Variants in C2CD2 observed in about 807,000 individuals in gnomAD.
C2CD2 encodes the protein C2 calcium dependent domain containing 2.
C2CD2 carries 43 observed loss-of-function variants against 74.3 expected under a neutral mutation model. The observed-to-expected ratio is 0.58, with a 90% confidence interval of 0.45 to 0.75. The LOEUF (loss-of-function observed/expected upper bound fraction) is 0.75, where lower values mean the gene tolerates loss of function less well. Among genes scored for constraint, C2CD2 ranks in the 30% least tolerant of loss-of-function variants. The pLI, the probability that C2CD2 is intolerant of heterozygous loss-of-function variation, is 0.00. For synonymous variants in C2CD2, 422 were observed against 390.7 expected (o/e 1.08, Z -0.94); for missense variants, 801 against 916.3 (o/e 0.87, Z 1.63).
chr21:41,936,177 A>G (rs2065306027), intron 2 of C2CD2, among the ~76,000 whole-genome samples: 1 of 152,218 alleles, frequency 6.6e-6, no homozygotes, highest in African/African-American at 2.4e-5. Context: ...ACGGAATGGA[A>G]TCCCATATTT....
chr21:41,907,518 G>A (rs1045006554), intron 9 of C2CD2, 142 bp downstream of exon 9: 144 of 881,218 alleles, frequency 1.6e-4, no homozygotes, highest in Admixed American at 2.3e-4. Flanking sequence ...CTGGTCCTGC[G>A]TACGATGAAA....
At chr21:41,913,246 G>A (rs1368990218) in intron 6 of C2CD2, among the ~76,000 whole-genome samples, 1 of 152,246 alleles carries the variant, frequency 6.6e-6, no homozygotes, top group Non-Finnish European at 1.5e-5. Flanking sequence ...CCAGGTAGTA[G>A]GACATGTCAC....
chr21:41,896,282 AAG>A (rs994541434), intron 13 of C2CD2, among the ~76,000 whole-genome samples: 1 of 152,250 alleles, frequency 6.6e-6, no homozygotes, highest in African/African-American at 2.4e-5. Flanking sequence ...GAAGAGAAGT[AAG>A]AGGCAGAAAG....
intron 13 of C2CD2, among the ~76,000 whole-genome samples, chr21:41,890,426 T>G (rs944833395): frequency 6.6e-6 from 1 of 152,188 alleles, no homozygotes; most frequent in African/African-American, 2.4e-5. Flanking sequence ...TCCTTAAAGA[T>G]CAAGTACAAG....
At chr21:41,940,723 T>C (rs1472086304) in intron 2 of C2CD2, among the ~76,000 whole-genome samples, 1 of 152,214 alleles carries the variant, frequency 6.6e-6, no homozygotes, top group Admixed American at 6.5e-5. Context: ...TATACACATA[T>C]GGGAAATGTA....
At chr21:41,915,645 G>A (rs1158377186) in intron 5 of C2CD2, among the ~76,000 whole-genome samples, 4 of 152,088 alleles carry the variant, frequency 2.6e-5, no homozygotes, top group African/African-American at 4.8e-5. Flanking sequence ...TCACCATGTT[G>A]GCCAGGCTGG....
rs1286213296 is a variant in C2CD2 at position 41,945,002 on chromosome 21, G to C, written c.280-2757C>G. Among the ~76,000 whole-genome samples the C allele has an allele frequency of 6.6e-6, 1 of 152,178 alleles. No individual in the cohort carries two copies. The highest frequency in any genetic ancestry group is 1.9e-4 in the East Asian group (1 of 5,196). ...ACACGGATATAACCTAAGAAGCTTG[G>C]AAAACTGCATCTTGACTGCATATAA... On this transcript the variant is annotated intron_variant, in intron 1 of 13. Coordinates refer to ENST00000380486, the MANE Select transcript of C2CD2 (RefSeq NM_015500.2). The surrounding 1 kb of genome is among the most constrained non-coding windows in gnomAD (Gnocchi z 4.2).
chr21:41,914,286 T>G (rs2065061890), intron 6 of C2CD2, among the ~76,000 whole-genome samples: 1 of 126,352 alleles, frequency 7.9e-6, no homozygotes, highest in Non-Finnish European at 1.7e-5. Context: ...ACATACAGGT[T>G]CAACAGTTAA....
chr21:41,899,670 A>T lies in C2CD2; in HGVS notation c.1561-308T>A, dbSNP rs370396041. 6.6e-6 allele frequency among the ~76,000 whole-genome samples: 1 copy of T among 152,106 alleles called. No individual in the cohort carries two copies. The highest frequency in any genetic ancestry group is 1.9e-4 in the East Asian group (1 of 5,176). Reference sequence around the variant, plus strand: ...TGGGAGCGTTTGTGGCAAGCTGCAGAAATGAGATGCGAGAGAGAGAGCCCG... The same window carrying T: ...TGGGAGCGTTTGTGGCAAGCTGCAGTAATGAGATGCGAGAGAGAGAGCCCG... On this transcript the variant is annotated intron_variant, in intron 12 of 13. Coordinates refer to ENST00000380486, the MANE Select transcript of C2CD2 (RefSeq NM_015500.2). The surrounding 1 kb of genome is among the most constrained non-coding windows in gnomAD (Gnocchi z 4.4).
At chr21:41,940,165 T>G (rs1306854752) in intron 2 of C2CD2, among the ~76,000 whole-genome samples, 1 of 152,124 alleles carries the variant, frequency 6.6e-6, no homozygotes, top group African/African-American at 2.4e-5. Context: ...GAATTTCAGG[T>G]AAGGGATACT....
intron 11 of C2CD2, among the ~76,000 whole-genome samples, chr21:41,902,098 A>C (rs1190135060): frequency 2.0e-5 from 3 of 152,218 alleles, no homozygotes; most frequent in African/African-American, 7.2e-5. Flanking sequence ...GTTACAAGAT[A>C]CTCACTGAAG....
Position 41,918,092 on chromosome 21 carries a change from C to T in C2CD2, c.720+13G>A, listed in dbSNP as rs1289247881. On this transcript the variant is annotated intron_variant, in intron 5 of 13. Transcript: ENST00000380486. ...GGGGTTCAGATGCACCCACAGCACC[C>T]AGATGAGTTTACCTGAGCTTCCTTT... is the stretch of plus-strand genomic sequence containing the variant. The T allele has an allele frequency of 6.2e-7, 1 of 1,613,896 alleles. No homozygotes were observed. Among genetic ancestry groups the T allele is most frequent in the African/African-American group, 1.3e-5 (1 of 74,890 alleles).
Position 41,889,120 on chromosome 21 carries a change from G to T in C2CD2, c.*4C>A. On this transcript the variant is annotated 3_prime_UTR_variant, in exon 14 of 14. Coordinates refer to ENST00000380486, the MANE Select transcript of C2CD2 (RefSeq NM_015500.2). ...TTCTGGCTTGGAGGTGATGACCTCA[G>T]GCCCTACGTGCAGGGCTCCACGGGG... 5.6e-6 allele frequency: 9 copies of T among 1,606,226 alleles called. No homozygotes were observed. Among genetic ancestry groups the T allele is most frequent in the Non-Finnish European group, 6.8e-6 (8 of 1,174,512 alleles).
Position 41,914,650 on chromosome 21 carries a change from C to G in C2CD2, c.792G>C (p.Lys264Asn), listed in dbSNP as rs2065067793. Reference sequence around the variant, plus strand: ...AGACGTGGATGTTCCTCACCAGTAGCTTCAGCTCGTGAGCCCTTGGAGGTT... The same window carrying G: ...AGACGTGGATGTTCCTCACCAGTAGGTTCAGCTCGTGAGCCCTTGGAGGTT... Reference protein sequence around the residue: ...PPKPPRAHELKLLVRNIHVLL... With the variant: ...PPKPPRAHELNLLVRNIHVLL... Residue 264 changes from lysine to asparagine, a missense_variant, in exon 6 of 14, where the codon AAG (lysine) becomes AAC (asparagine). By Grantham distance (94) the Lys-to-Asn change is moderately conservative (BLOSUM62 0). Transcript: ENST00000380486. 6.2e-7 allele frequency: 1 copy of G among 1,613,866 alleles called. No individual in the cohort carries two copies. The highest frequency in any genetic ancestry group is 8.5e-7 in the Non-Finnish European group (1 of 1,179,750).
chr21:41,910,090 C>T (rs371470), intron 7 of C2CD2, among the ~76,000 whole-genome samples: 152,044 of 152,086 alleles, frequency 1, 76,001 homozygotes, highest in Non-Finnish European at 1. Context: ...CACCTCGGCC[C>T]CCCAACGTGC....
At chr21:41,936,815 C>CTTTT (rs34112713) in intron 2 of C2CD2, among the ~76,000 whole-genome samples, 11 of 102,982 alleles carry the variant, frequency 1.1e-4, no homozygotes, top group African/African-American at 2.3e-4. Flanking sequence ...TTTTCTTTTC[C>CTTTT]TTTTTTTTTT....
At chr21:41,925,863 G>A (rs567130049) in intron 2 of C2CD2, among the ~76,000 whole-genome samples, 5 of 152,186 alleles carry the variant, frequency 3.3e-5, no homozygotes, top group Non-Finnish European at 5.9e-5. Flanking sequence ...AAATACCCAC[G>A]AGTGGGTAGA....
chr21:41,942,376 A>G, intron 1 of C2CD2, 131 bp from the exon 2 acceptor site: 1 of 692,544 alleles, frequency 1.4e-6, no homozygotes, highest in South Asian at 2.0e-5. Flanking sequence ...CTGTGCTTCT[A>G]ATAGCAGCAA....
chr21:41,920,017 G>A (rs543109966), intron 3 of C2CD2, among the ~76,000 whole-genome samples: 39 of 152,330 alleles, frequency 2.6e-4, no homozygotes, highest in African/African-American at 7.9e-4. Flanking sequence ...TGGACGTGGA[G>A]GAAGGCACCC....
Sources: allele counts gnomAD v4.1 joint callset (sites outside exome capture counted in the v4.1 genomes callset), GRCh38; gene constraint gnomAD v4.1.1; non-coding constraint Gnocchi (gnomAD v3.1); transcripts MANE v1.5; gene names NCBI Gene and HGNC (gene_info 2026-07-23, HGNC 2026-07-21).